Variants in ALDH2 observed in about 807,000 individuals in gnomAD.
ALDH2 encodes the protein aldehyde dehydrogenase, mitochondrial.
A neutral mutation model predicts 59.6 loss-of-function variants in ALDH2; 44 were observed. The ratio of observed to expected loss-of-function variants is 0.74; its 90% CI spans 0.58 to 0.95. The LOEUF is 0.95. ALDH2 is among the 40% of genes least tolerant of loss of function. ALDH2 has a pLI of 0.00. For missense variants in ALDH2, 570 were observed against 696.3 expected, an observed-to-expected ratio of 0.82 and a Z score of 2.04; for synonymous variants, 291 against 284.0, an observed-to-expected ratio of 1.02 and a Z score of -0.25.
chr12:111,778,374 G>A (rs372133622), intron 1 of ALDH2, among the ~76,000 whole-genome samples: 15 of 151,904 alleles, frequency 9.9e-5, no homozygotes, highest in African/African-American at 3.6e-4. Flanking sequence ...GTGAAACCCC[G>A]TCTCTACTAG....
In ALDH2 at chr12:111,809,403, G is replaced by C. The variant is rs371750575; in HGVS notation, c.1522-140G>C. 14 of 855,754 alleles carry C rather than the reference G, an allele frequency of 1.6e-5. No homozygotes were observed. In the South Asian group the frequency reaches 2.0e-4, roughly 12 times the overall value. The allele number at this position is 855,754 out of a possible 1,614,324, so 53.0% of individuals were successfully genotyped here. A position where few individuals can be genotyped will look rare whatever the true frequency, so the allele number is the denominator to read the frequency against. ...CAGGAGGTCAAGGCAGTAGTGAGCTGTAATTGCACCCCTGTACTCCAGTCT... is the reference window on the plus strand; with the variant it reads ...CAGGAGGTCAAGGCAGTAGTGAGCTCTAATTGCACCCCTGTACTCCAGTCT... On this transcript the variant is annotated intron_variant, in intron 12 of 12. Coordinates refer to ENST00000261733, the MANE Select transcript of ALDH2 (RefSeq NM_000690.4).
chr12:111,773,307 T>G (rs1231219663), intron 1 of ALDH2, among the ~76,000 whole-genome samples: 2 of 152,144 alleles, frequency 1.3e-5, no homozygotes, highest in Non-Finnish European at 1.5e-5. Flanking sequence ...ATTCAATACT[T>G]CCTGCCTGCC....
intron 1 of ALDH2, among the ~76,000 whole-genome samples, chr12:111,772,610 C>T (rs1432391146): frequency 6.6e-6 from 1 of 151,498 alleles, no homozygotes; most frequent in African/African-American, 2.4e-5. Flanking sequence ...ATCCACCCGC[C>T]TTGGCCTCCC....
At chr12:111,777,598 C>T (rs1322236809) in intron 1 of ALDH2, among the ~76,000 whole-genome samples, 2 of 152,088 alleles carry the variant, frequency 1.3e-5, no homozygotes, top group Non-Finnish European at 2.9e-5. Flanking sequence ...TGCCTGCCCG[C>T]CCCCCACGCC....
At chr12:111,792,524 T>C (rs1008250376) in intron 8 of ALDH2, 74 bp from the exon 9 acceptor site, 22 of 1,498,500 alleles carry the variant, frequency 1.5e-5, no homozygotes, top group South Asian at 6.4e-5. Flanking sequence ...ACAGGCTCCA[T>C]TGGGCAGGCG....
At chr12:111,770,521 AGTAGT>A (rs2068191500) in intron 1 of ALDH2, among the ~76,000 whole-genome samples, 1 of 151,470 alleles carries the variant, frequency 6.6e-6, no homozygotes, top group Non-Finnish European at 1.5e-5. Flanking sequence ...GCTGGAGTGT[AGTAGT>A]GCTCACTGCA....
chr12:111,801,613 C>G (rs1021460954), intron 11 of ALDH2, among the ~76,000 whole-genome samples: 1 of 151,358 alleles, frequency 6.6e-6, no homozygotes, highest in African/African-American at 2.4e-5. Flanking sequence ...GCAGGAGAAT[C>G]GCTTGAACCT....
At chr12:111,792,521 C>A in intron 8 of ALDH2, 77 bp from the exon 9 acceptor site, 1 of 1,484,518 alleles carries the variant, frequency 6.7e-7, no homozygotes, top group Non-Finnish European at 9.0e-7. Context: ...GGAACAGGCT[C>A]CATTGGGCAG....
intron 12 of ALDH2, among the ~76,000 whole-genome samples, chr12:111,809,123 A>G (rs1207133615): frequency 1.3e-5 from 2 of 152,106 alleles, no homozygotes; most frequent in Non-Finnish European, 2.9e-5. Flanking sequence ...TTTGAAATAG[A>G]AATTCTGACA....
intron 11 of ALDH2, among the ~76,000 whole-genome samples, chr12:111,800,760 G>A (rs2068445432): frequency 6.6e-6 from 1 of 152,112 alleles, no homozygotes; most frequent in African/African-American, 2.4e-5. Flanking sequence ...AATAATTTGG[G>A]AGCTCCTCAA....
chr12:111,769,051 T>A (rs556664873), intron 1 of ALDH2, among the ~76,000 whole-genome samples: 1 of 152,302 alleles, frequency 6.6e-6, no homozygotes, highest in African/African-American at 2.4e-5. Context: ...TTAAAATCTT[T>A]ATCCTTTATC....
At chr12:111,785,888 T>C (rs1349442227) in intron 4 of ALDH2, among the ~76,000 whole-genome samples, 1 of 152,216 alleles carries the variant, frequency 6.6e-6, no homozygotes, top group Non-Finnish European at 1.5e-5. Flanking sequence ...TTTTGGTACT[T>C]TCTGTGTTAT....
intron 1 of ALDH2, 81 bp from the exon 2 acceptor site, chr12:111,781,837 G>GTT (rs367991848): frequency 4.2e-4 from 375 of 883,426 alleles, no homozygotes; most frequent in African/African-American, 1.3e-3. Context: ...GCTTTTTCTT[G>GTT]TTTTTTTTTT....
At chr12:111,797,431 T>C (rs112698588) in intron 9 of ALDH2, among the ~76,000 whole-genome samples, 7 of 152,232 alleles carry the variant, frequency 4.6e-5, no homozygotes, top group South Asian at 2.1e-4. Flanking sequence ...CAAAACCCTG[T>C]CTCTACTAAA....
At position 111,797,579 on chromosome 12, in the gene ALDH2, T is replaced by A. The variant is rs974397239; in HGVS notation, c.1084-499T>A. Among the ~76,000 whole-genome samples the A allele has an allele frequency of 2.0e-5, 3 of 150,314 alleles. No individual in the cohort carries two copies. In the East Asian group the frequency reaches 6.0e-4, roughly 30 times the overall value. The stretch of plus-strand genomic sequence containing the variant: ...TCGCACCACTGCACTCCAGCCTGGG[T>A]GACAGAGTGAGACCCCATCTCAAAA... On this transcript the variant is annotated intron_variant, in intron 9 of 12. Transcript: ENST00000261733.
At chr12:111,798,345 C>T (rs1449468974) in intron 10 of ALDH2, 103 bp downstream of exon 10, 74 of 1,308,164 alleles carry the variant, frequency 5.7e-5, no homozygotes, top group Non-Finnish European at 7.1e-5. Context: ...TGGCTTGGGG[C>T]CAGATCTCAA....
chr12:111,780,338 T>TA (rs1317346703), intron 1 of ALDH2, among the ~76,000 whole-genome samples: 10 of 152,204 alleles, frequency 6.6e-5, no homozygotes, highest in Admixed American at 5.9e-4. Context: ...TGGTCTGAAT[T>TA]ACATTCTAGA....
intron 7 of ALDH2, 49 bp downstream of exon 7, chr12:111,791,468 C>T (rs1359634740): frequency 7.0e-7 from 1 of 1,424,604 alleles, no homozygotes; most frequent in East Asian, 2.4e-5. Context: ...CCCAAGCTCC[C>T]CCTGTCCTCA....
At chr12:111,790,950 A>G (rs2136018248) in intron 6 of ALDH2, among the ~76,000 whole-genome samples, 1 of 152,208 alleles carries the variant, frequency 6.6e-6, no homozygotes, top group South Asian at 2.1e-4. Context: ...TTGGGAGGTT[A>G]AGGCAGGAGG....
Sources: allele counts gnomAD v4.1 joint callset (sites outside exome capture counted in the v4.1 genomes callset), GRCh38; gene constraint gnomAD v4.1.1; transcripts MANE v1.5; gene names NCBI Gene and HGNC (gene_info 2026-07-23, HGNC 2026-07-21).